Variants in HS3ST4 observed in about 807,000 individuals in gnomAD.
The protein encoded by HS3ST4 is heparan sulfate-glucosamine 3-sulfotransferase 4, also known as heparan sulfate glucosamine 3-O-sulfotransferase 4.
A neutral mutation model predicts 29.2 loss-of-function variants in HS3ST4; 17 were observed. That is an observed-to-expected ratio of 0.58 (90% CI 0.40 to 0.87). The LOEUF is 0.87. HS3ST4 is among the 40% of genes least tolerant of loss of function. The pLI, the probability that HS3ST4 is intolerant of heterozygous loss-of-function variation, is 0.00. For synonymous variants in HS3ST4, 314 were observed against 285.7 expected (o/e 1.10, Z -1.00); for missense variants, 627 against 634.5 (o/e 0.99, Z 0.13).
At chr16:26,093,751 C>T (rs1352715605) in intron 1 of HS3ST4, among the ~76,000 whole-genome samples, 7 of 152,084 alleles carry the variant, frequency 4.6e-5, no homozygotes, top group South Asian at 2.1e-4. Context: ...CAAAGCTGGA[C>T]GGGGAATGAC....
At chr16:25,931,273 C>T (rs1055591937) in intron 1 of HS3ST4, among the ~76,000 whole-genome samples, 2 of 152,040 alleles carry the variant, frequency 1.3e-5, no homozygotes, top group South Asian at 2.1e-4. Context: ...CAGCCCAGCC[C>T]TGCTGCATTT....
At chr16:25,900,542 G>A (rs1198200726) in intron 1 of HS3ST4, among the ~76,000 whole-genome samples, 1 of 152,162 alleles carries the variant, frequency 6.6e-6, no homozygotes, top group Non-Finnish European at 1.5e-5. Flanking sequence ...CAGTCAGGGT[G>A]TTATTTGGAT....
At chr16:25,759,303 A>G (rs1966775526) in intron 1 of HS3ST4, among the ~76,000 whole-genome samples, 1 of 152,230 alleles carries the variant, frequency 6.6e-6, no homozygotes, top group African/African-American at 2.4e-5. Context: ...TAATCTTCCC[A>G]ATAGTCCTTC....
Position 25,807,489 on chromosome 16 carries a change from C to T in HS3ST4, c.734+114338C>T, listed in dbSNP as rs184079803. Among the ~76,000 whole-genome samples, 4 of 152,230 alleles carry T rather than the reference C, an allele frequency of 2.6e-5. No homozygotes were observed. In the East Asian group the frequency reaches 7.7e-4, roughly 29 times the overall value. On this transcript the variant is annotated intron_variant, in intron 1 of 1. Transcript: ENST00000331351. ...ACATTCAAGTTGTTGTATGTATCAG[C>T]AGTTACTTCTTTTTATTACTAAGTG... is the stretch of plus-strand genomic sequence containing the variant.
At chr16:25,742,919 T>C (rs561289753) in intron 1 of HS3ST4, among the ~76,000 whole-genome samples, 1 of 152,330 alleles carries the variant, frequency 6.6e-6, no homozygotes, top group Non-Finnish European at 1.5e-5. Flanking sequence ...TTGAACTACC[T>C]TCCAATTGTG....
chr16:25,889,396 G>A (rs1277571468), intron 1 of HS3ST4, among the ~76,000 whole-genome samples: 1 of 152,196 alleles, frequency 6.6e-6, no homozygotes, highest in East Asian at 1.9e-4. Flanking sequence ...TGCTAGAGAA[G>A]ATTGAAATTT....
intron 1 of HS3ST4, among the ~76,000 whole-genome samples, chr16:25,961,269 A>G (rs922562213): frequency 4.6e-5 from 7 of 152,198 alleles, no homozygotes; most frequent in African/African-American, 1.7e-4. Context: ...AGAATGTTAA[A>G]TGGAGGTAAG....
At chr16:26,000,459 TAC>T (rs1969202884) in intron 1 of HS3ST4, among the ~76,000 whole-genome samples, 1 of 152,166 alleles carries the variant, frequency 6.6e-6, no homozygotes, top group South Asian at 2.1e-4. Context: ...AAACTTGGAA[TAC>T]GTATGTATCC....
intron 1 of HS3ST4, among the ~76,000 whole-genome samples, chr16:25,936,989 A>G (rs1968522721): frequency 6.6e-6 from 1 of 152,200 alleles, no homozygotes; most frequent in Non-Finnish European, 1.5e-5. Context: ...AAGACTGTAG[A>G]CATCTCTCAG....
At chr16:25,705,215 C>G (rs1039715785) in intron 1 of HS3ST4, among the ~76,000 whole-genome samples, 2 of 152,154 alleles carry the variant, frequency 1.3e-5, no homozygotes, top group African/African-American at 4.8e-5. Flanking sequence ...CTTTTGTTAC[C>G]TCCTAGAGGT....
intron 1 of HS3ST4, among the ~76,000 whole-genome samples, chr16:26,048,877 C>G (rs1898302055): frequency 6.6e-6 from 1 of 152,000 alleles, no homozygotes. Flanking sequence ...GAAAGTCATT[C>G]TCTTTCCATT....
rs1966766287 is a variant in HS3ST4 at position 25,757,775 on chromosome 16, C to A, written c.734+64624C>A. Among the ~76,000 whole-genome samples the A allele has an allele frequency of 2.0e-5, 3 of 151,850 alleles. No individual in the cohort carries two copies. The South Asian group carries it at 6.2e-4, about 32-fold the overall frequency. On this transcript the variant is annotated intron_variant, in intron 1 of 1. Coordinates refer to ENST00000331351, the MANE Select transcript of HS3ST4 (RefSeq NM_006040.3). ...ATGGGGGCCATCTAGATGCAAGTAT[C>A]TCGTCGGGTGGGGCTTTTAGAGAAT...
chr16:25,898,091 C>G (rs1968088606), intron 1 of HS3ST4, among the ~76,000 whole-genome samples: 1 of 152,208 alleles, frequency 6.6e-6, no homozygotes, highest in Non-Finnish European at 1.5e-5. Context: ...GGAATTCACC[C>G]CGGCCTCTGT....
At chr16:25,817,987 T>A (rs1967111732) in intron 1 of HS3ST4, among the ~76,000 whole-genome samples, 1 of 151,940 alleles carries the variant, frequency 6.6e-6, no homozygotes, top group Admixed American at 6.6e-5. Context: ...AACTTGGGAG[T>A]CATAAAATCC....
chr16:26,011,676 TTGTGTGTGTGTG>T (rs375796518), intron 1 of HS3ST4, among the ~76,000 whole-genome samples: 3 of 133,370 alleles, frequency 2.2e-5, no homozygotes, highest in Non-Finnish European at 4.6e-5. Flanking sequence ...AGGTATATGT[TTGTGTGTGTGTG>T]TGTGTGTGTG....
intron 1 of HS3ST4, among the ~76,000 whole-genome samples, chr16:26,031,260 C>T (rs1446585764): frequency 6.6e-6 from 1 of 152,126 alleles, no homozygotes; most frequent in Non-Finnish European, 1.5e-5. Flanking sequence ...CAGGGCCCCG[C>T]CACTCCCCGC....
intron 1 of HS3ST4, among the ~76,000 whole-genome samples, chr16:25,846,405 GTACCTATAGTTCCAGC>G (rs1393844552): frequency 6.6e-6 from 1 of 152,072 alleles, no homozygotes; most frequent in Non-Finnish European, 1.5e-5. Flanking sequence ...GCAGGGACAG[GTACCTATAGTTCCAGC>G]TACGCAGGAG....
intron 1 of HS3ST4, among the ~76,000 whole-genome samples, chr16:25,770,027 G>A (rs1333081489): frequency 6.6e-6 from 1 of 152,174 alleles, no homozygotes; most frequent in Admixed American, 6.5e-5. Flanking sequence ...AGTGCAAAAT[G>A]CAGACTAGGA....
At chr16:25,909,506 GTGAT>G (rs1968215051) in intron 1 of HS3ST4, among the ~76,000 whole-genome samples, 1 of 152,150 alleles carries the variant, frequency 6.6e-6, no homozygotes, top group African/African-American at 2.4e-5. Flanking sequence ...GAGCTCCCAA[GTGAT>G]CTTTGGACCA....
Sources: gnomAD v4.1 joint callset for allele counts (sites outside exome capture counted in the v4.1 genomes callset) on GRCh38, gnomAD v4.1.1 for gene constraint, MANE v1.5 for transcripts, NCBI Gene and HGNC (gene_info 2026-07-23, HGNC 2026-07-21) for gene names.